FASTKD2: variants seen among roughly 807,000 people sequenced by gnomAD.
FASTKD2 encodes FAST kinase domain-containing protein 2, mitochondrial.
Under a neutral mutation model 63.6 loss-of-function variants are expected in FASTKD2, and 51 were observed. The observed-to-expected ratio is 0.80, with a 90% CI of 0.64 to 1.01. FASTKD2 has a LOEUF of 1.01. Ranked by LOEUF, FASTKD2 falls within the 50% of genes least tolerant of loss-of-function variation. The pLI, the probability that FASTKD2 is intolerant of heterozygous loss-of-function variation, is 0.00. For synonymous variants in FASTKD2, 284 were observed against 293.4 expected, an observed-to-expected ratio of 0.97 and a Z score of 0.33; for missense variants, 786 against 831.1, an observed-to-expected ratio of 0.95 and a Z score of 0.67.
intron 7 of FASTKD2, among the ~76,000 whole-genome samples, chr2:206,785,340 T>A (rs183059662): frequency 6.6e-6 from 1 of 152,194 alleles, no homozygotes; most frequent in African/African-American, 2.4e-5. Context: ...GATGCCAGCC[T>A]GGTGAAGAGG....
chr2:206,786,235 G>C (rs113454793), intron 7 of FASTKD2, among the ~76,000 whole-genome samples: 2,519 of 152,292 alleles, frequency 0.017, 72 homozygotes, highest in African/African-American at 0.057. Flanking sequence ...ACCATTAGCT[G>C]TGGGTGGTAG....
intron 11 of FASTKD2, 43 bp downstream of exon 11, chr2:206,790,729 T>A: frequency 1.8e-6 from 2 of 1,135,062 alleles, no homozygotes; most frequent in Non-Finnish European, 2.7e-6. Flanking sequence ...ATTACTGATG[T>A]ACATTCTAAC....
rs771403858 is a variant in FASTKD2 at position 206,766,976 on chromosome 2, A to G, written c.283A>G (p.Ile95Val). ...KSDVGFQTKG[I>V]STLTALRIER... is the part of the protein sequence containing the mutation. ...AGATGTTGGCTTTCAAACAAAGGGC[A>G]TAAGCACTCTAACAGCCCTTAGAAT... The change falls in exon 2 of 12, where the codon ATA becomes GTA. Residue 95 changes from isoleucine to valine, a missense_variant. Physicochemically the swap from Ile to Val is conservative, Grantham distance 29. Transcript: ENST00000402774. 1 of 1,612,306 alleles carries G rather than the reference A, an allele frequency of 6.2e-7. No homozygotes were observed. Among genetic ancestry groups the G allele is most frequent in the Non-Finnish European group, 8.5e-7 (1 of 1,178,534 alleles).
chr2:206,772,015 T>C lies in FASTKD2; in HGVS notation c.1112T>C (p.Leu371Pro). Residue 371 changes from leucine to proline, a missense_variant and splice_region_variant, in exon 5 of 12, where the codon CTA becomes CCA. Transcript: ENST00000402774. ...CTGGATGAATGCAGTAAGGTGGTCC[T>C]AGGTAAGAGGAATTTTTCTTTCATC... ...ILLDECSKVV[L>P]DNIHGCPLRI... The C allele has an allele frequency of 6.2e-7, 1 of 1,613,874 alleles. No homozygotes were observed. The highest frequency in any genetic ancestry group is 1.3e-5 in the African/African-American group (1 of 75,052).
In FASTKD2 at chr2:206,766,677, G is replaced by C; in HGVS notation, c.-17G>C. ...CAGCACGTGTTCTTTTTCACTAGTA[G>C]AAGTGACGTTGGTTTCATGTTGACA... On this transcript the variant is annotated 5_prime_UTR_variant, in exon 2 of 12. Transcript: ENST00000402774. The C allele has an allele frequency of 6.2e-7, 1 of 1,610,698 alleles. No homozygotes were observed. Among genetic ancestry groups the C allele is most frequent in the Non-Finnish European group, 8.5e-7 (1 of 1,176,934 alleles).
At chr2:206,774,520 TAAAAC>T in intron 7 of FASTKD2, 123 bp downstream of exon 7, 1 of 683,544 alleles carries the variant, frequency 1.5e-6, no homozygotes, top group Non-Finnish European at 2.5e-6. Flanking sequence ...TGCCAATAAA[TAAAAC>T]ATAGTGTTCC....
At chr2:206,782,161 G>A (rs1405883261) in intron 7 of FASTKD2, among the ~76,000 whole-genome samples, 3 of 152,150 alleles carry the variant, frequency 2.0e-5, no homozygotes, top group Admixed American at 6.5e-5. Context: ...GTGAAAAGCC[G>A]GATGTTGGTT....
intron 7 of FASTKD2, among the ~76,000 whole-genome samples, chr2:206,774,794 A>T (rs1689779019): frequency 6.6e-6 from 1 of 152,042 alleles, no homozygotes; most frequent in Admixed American, 6.5e-5. Flanking sequence ...GCAGTACAAT[A>T]TTGCTGACTT....
At chr2:206,781,345 G>C (rs1489255888) in intron 7 of FASTKD2, among the ~76,000 whole-genome samples, 1 of 37,392 alleles carries the variant, frequency 2.7e-5, no homozygotes, top group Non-Finnish European at 5.4e-5. Context: ...ACAGAGTTTT[G>C]ATCTTTGTTG....
At chr2:206,786,278 T>G (rs1284257092) in intron 7 of FASTKD2, among the ~76,000 whole-genome samples, 1 of 152,212 alleles carries the variant, frequency 6.6e-6, no homozygotes, top group Non-Finnish European at 1.5e-5. Context: ...ACCCATAGTA[T>G]TGATAACTAG....
At chr2:206,766,328 A>G (rs1243656892) in intron 1 of FASTKD2, among the ~76,000 whole-genome samples, 1 of 150,932 alleles carries the variant, frequency 6.6e-6, no homozygotes, top group African/African-American at 2.4e-5. Flanking sequence ...CTAATCCCCT[A>G]ATTTTCACCG....
chr2:206,781,976 G>A (rs766484486), intron 7 of FASTKD2, among the ~76,000 whole-genome samples: 1 of 152,150 alleles, frequency 6.6e-6, no homozygotes. Context: ...ATTTCCTCCT[G>A]AGGCTGAATC....
At position 206,770,425 on chromosome 2, in the gene FASTKD2, T is replaced by C. The variant is rs560481711; in HGVS notation, c.881+231T>C. On this transcript the variant is annotated intron_variant, in intron 3 of 11. Coordinates refer to ENST00000402774, the MANE Select transcript of FASTKD2 (RefSeq NM_001136193.2). ...CATAATAACAAAGATGTGAGTAACATTGAAATCTAAATTAATTTATTTTAA... is the reference window on the plus strand; with the variant it reads ...CATAATAACAAAGATGTGAGTAACACTGAAATCTAAATTAATTTATTTTAA... Among the ~76,000 whole-genome samples the C allele has an allele frequency of 4.6e-5, 7 of 152,214 alleles. No individual in the cohort carries two copies. In the South Asian group the frequency reaches 8.3e-4, roughly 18 times the overall value.
chr2:206,770,008 C>T (rs1034637555), intron 2 of FASTKD2, 83 bp from the exon 3 acceptor site: 57 of 839,750 alleles, frequency 6.8e-5, no homozygotes, highest in Non-Finnish European at 1.2e-4. Context: ...TTATTCAGTA[C>T]ATCAGTTCAG....
chr2:206,770,009 A>G lies in FASTKD2; in HGVS notation c.778-82A>G, dbSNP rs887384464. ...GATACTCAATCGTTTTATTCAGTACATCAGTTCAGTGGTTTTGCTTGGGTA... is the reference window on the plus strand; with the variant it reads ...GATACTCAATCGTTTTATTCAGTACGTCAGTTCAGTGGTTTTGCTTGGGTA... On this transcript the variant is annotated intron_variant, in intron 2 of 11. Transcript: ENST00000402774. The G allele has an allele frequency of 1.1e-5, 9 of 845,348 alleles. No homozygotes were observed. The Admixed American group carries it at 1.4e-4, about 13-fold the overall frequency. The allele number at this position is 845,348 out of a possible 1,614,324, so 52.4% of individuals were successfully genotyped here. A position where few individuals can be genotyped will look rare whatever the true frequency, so the allele number is the denominator to read the frequency against.
intron 3 of FASTKD2, 110 bp downstream of exon 3, chr2:206,770,304 G>T: frequency 1.3e-6 from 1 of 765,568 alleles, no homozygotes; most frequent in South Asian, 1.4e-5. Flanking sequence ...AGGAGGGGTT[G>T]GGGAGGCTTT....
At chr2:206,784,183 G>T (rs1406751964) in intron 7 of FASTKD2, among the ~76,000 whole-genome samples, 1 of 152,226 alleles carries the variant, frequency 6.6e-6, no homozygotes, top group Non-Finnish European at 1.5e-5. Flanking sequence ...AAAAAAAGAA[G>T]TTTGTATTCC....
chr2:206,781,094 C>T (rs1313007057), intron 7 of FASTKD2, among the ~76,000 whole-genome samples: 1 of 152,080 alleles, frequency 6.6e-6, no homozygotes, highest in Non-Finnish European at 1.5e-5. Flanking sequence ...ATCTTCATCT[C>T]TTTAATGTTG....
In FASTKD2 at chr2:206,786,556, ATACAG is replaced by A. The variant is rs1690142567; in HGVS notation, c.1428-176_1428-172del. The stretch of plus-strand genomic sequence containing the variant: ...ATAAAATGTTTGTCTCGTGCAAGAC[ATACAG>A]CAATAGCCAACATTTATTGAATGTA... On this transcript the variant is annotated intron_variant, in intron 7 of 11. Transcript: ENST00000402774. The A allele has an allele frequency of 5.6e-5, 36 of 647,764 alleles. No homozygotes were observed. The South Asian group carries it at 6.1e-4, about 11-fold the overall frequency. 40.1% of individuals were successfully genotyped at this position (647,764 alleles called of 1,614,324 possible).
Sources: gnomAD v4.1 joint callset for allele counts (sites outside exome capture counted in the v4.1 genomes callset) on GRCh38, gnomAD v4.1.1 for gene constraint, MANE v1.5 for transcripts, NCBI Gene and HGNC (gene_info 2026-07-23, HGNC 2026-07-21) for gene names.